Variants in SORCS1 observed in about 807,000 individuals in gnomAD.
The protein encoded by SORCS1 is sortilin related VPS10 domain containing receptor 1.
A neutral mutation model predicts 146.1 loss-of-function variants in SORCS1; 60 were observed. The ratio of observed to expected loss-of-function variants is 0.41; its 90% confidence interval spans 0.33 to 0.51. The LOEUF (loss-of-function observed/expected upper bound fraction) is 0.51, where lower values mean the gene tolerates loss of function less well. Among genes scored for constraint, SORCS1 ranks in the 20% least tolerant of loss-of-function variants. The pLI, the probability that SORCS1 is intolerant of heterozygous loss-of-function variation, is 0.21. For missense variants in SORCS1, 1,352 were observed against 1,487.6 expected, an observed-to-expected ratio of 0.91 and a Z score of 1.50; for synonymous variants, 637 against 584.0, an observed-to-expected ratio of 1.09 and a Z score of -1.31.
chr10:106,574,767 T>C lies in SORCS1; in HGVS notation c.*2653A>G, dbSNP rs192411310. On this transcript the variant is annotated 3_prime_UTR_variant, in exon 26 of 26. Coordinates refer to ENST00000263054, the MANE Select transcript of SORCS1 (RefSeq NM_052918.5). ...CTAAGAACAATGAGGTCCTCCTCTC[T>C]GAGCAGCACCTTGCCTCACTAATCT... 7.2e-5 allele frequency: 11 copies of C among 152,518 alleles called. No homozygotes were observed. The highest frequency in any genetic ancestry group is 1.3e-4 in the Non-Finnish European group (9 of 68,036). 9.4% of individuals were successfully genotyped at this position (152,518 alleles called of 1,614,324 possible). A position where few individuals can be genotyped will look rare whatever the true frequency, so the allele number is the denominator to read the frequency against.
At chr10:106,684,878 C>T (rs1852707570) in intron 10 of SORCS1, among the ~76,000 whole-genome samples, 1 of 152,154 alleles carries the variant, frequency 6.6e-6, no homozygotes, top group South Asian at 2.1e-4. Context: ...ATTTTCTTTC[C>T]TATTTAGTGC....
intron 1 of SORCS1, among the ~76,000 whole-genome samples, chr10:107,104,800 G>C (rs1390412146): frequency 1.3e-5 from 2 of 152,186 alleles, no homozygotes; most frequent in African/African-American, 4.8e-5. Context: ...CTTTTTCAGA[G>C]ACACGTGAGG....
intron 2 of SORCS1, among the ~76,000 whole-genome samples, chr10:106,831,228 G>T (rs557151958): frequency 1.3e-5 from 2 of 152,080 alleles, no homozygotes; most frequent in African/African-American, 4.8e-5. Context: ...TAAATAAAAA[G>T]GACATAGACA....
intron 1 of SORCS1, among the ~76,000 whole-genome samples, chr10:107,130,023 G>C (rs1380052524): frequency 6.6e-6 from 1 of 152,144 alleles, no homozygotes; most frequent in Non-Finnish European, 1.5e-5. Flanking sequence ...ATATGTCCAA[G>C]TTTTCTATAT....
intron 1 of SORCS1, among the ~76,000 whole-genome samples, chr10:107,064,431 C>G (rs1961544866): frequency 6.6e-6 from 1 of 152,184 alleles, no homozygotes; most frequent in African/African-American, 2.4e-5. Flanking sequence ...CACTCTAGCT[C>G]ACAGTTCCCG....
chr10:106,972,360 G>T (rs1955821581), intron 1 of SORCS1, among the ~76,000 whole-genome samples: 1 of 140,610 alleles, frequency 7.1e-6, no homozygotes, highest in African/African-American at 2.7e-5. Context: ...CAGCCTGGGT[G>T]ACAGAGCGAG....
chr10:106,683,512 C>A (rs1852595588), intron 10 of SORCS1, among the ~76,000 whole-genome samples: 1 of 152,194 alleles, frequency 6.6e-6, no homozygotes, highest in African/African-American at 2.4e-5. Context: ...GTGTTTCTAG[C>A]ATTGTGGATC....
chr10:106,794,989 T>C (rs1285288129), intron 3 of SORCS1, among the ~76,000 whole-genome samples: 1 of 152,204 alleles, frequency 6.6e-6, no homozygotes, highest in East Asian at 1.9e-4. Context: ...AAATCACTTC[T>C]TATGTCTGAT....
intron 1 of SORCS1, among the ~76,000 whole-genome samples, chr10:107,051,790 A>G (rs975741113): frequency 1.3e-5 from 2 of 152,198 alleles, no homozygotes; most frequent in African/African-American, 4.8e-5. Context: ...AGATGCAGTG[A>G]GTTGTTTAAG....
chr10:107,096,883 C>T (rs1211570994), intron 1 of SORCS1, among the ~76,000 whole-genome samples: 1 of 152,128 alleles, frequency 6.6e-6, no homozygotes, highest in Non-Finnish European at 1.5e-5. Flanking sequence ...AAGATTCTCT[C>T]CATAAGCTCC....
At chr10:107,145,518 C>T (rs768803031) in intron 1 of SORCS1, among the ~76,000 whole-genome samples, 23 of 152,120 alleles carry the variant, frequency 1.5e-4, no homozygotes, top group Non-Finnish European at 2.6e-4. Flanking sequence ...AATTTACCCA[C>T]GTGCACCAAG....
rs534586537 is a variant in SORCS1, at chr10:107,091,909, CT to C, written c.558+72059del. Among the ~76,000 whole-genome samples, 14 of 152,316 alleles carry C rather than the reference CT, an allele frequency of 9.2e-5. 1 individual carries two copies. The South Asian group carries it at 2.7e-3, about 29-fold the overall frequency. On this transcript the variant is annotated intron_variant, in intron 1 of 25. Coordinates refer to ENST00000263054, the MANE Select transcript of SORCS1 (RefSeq NM_052918.5). ...ACCCATCACTCACTCTCTGATTATCCTGTCTTTATGTATGAATGAGCTCCTA... is the reference window on the plus strand; with the variant it reads ...ACCCATCACTCACTCTCTGATTATCCGTCTTTATGTATGAATGAGCTCCTA...
intron 3 of SORCS1, among the ~76,000 whole-genome samples, chr10:106,811,499 C>T (rs887542943): frequency 5.3e-5 from 8 of 152,100 alleles, no homozygotes; most frequent in Non-Finnish European, 1.0e-4. Context: ...AACTAACGAC[C>T]TAGAATTTCT....
chr10:106,921,356 C>T (rs1952702826), intron 2 of SORCS1, among the ~76,000 whole-genome samples: 2 of 152,134 alleles, frequency 1.3e-5, no homozygotes, highest in Non-Finnish European at 2.9e-5. Flanking sequence ...CTTCCCTGGT[C>T]CTTATCAGGC....
chr10:106,716,481 C>G (rs1179608751), intron 6 of SORCS1, among the ~76,000 whole-genome samples: 1 of 152,188 alleles, frequency 6.6e-6, no homozygotes, highest in Non-Finnish European at 1.5e-5. Flanking sequence ...TCCACTGAAA[C>G]CTGTTTCCTT....
rs986748728 is a variant in SORCS1, at chr10:106,778,667, A to G, written c.727-1975T>C. 2.0e-5 allele frequency among the ~76,000 whole-genome samples: 3 copies of G among 152,190 alleles called. No homozygotes were observed. In the East Asian group the frequency reaches 5.8e-4, roughly 29 times the overall value. Reference sequence around the variant, plus strand: ...TTGTTTTGTGTCTCCAATCACAATTAACAATAATGTAAAACAACCTTTTTG... The same window carrying G: ...TTGTTTTGTGTCTCCAATCACAATTGACAATAATGTAAAACAACCTTTTTG... On this transcript the variant is annotated intron_variant, in intron 3 of 25. Transcript: ENST00000263054.
rs147797300 is a variant in SORCS1 at position 107,162,849 on chromosome 10, C to T, written c.558+1120G>A. On this transcript the variant is annotated intron_variant, in intron 1 of 25. Transcript: ENST00000263054. ...GCGTAAATTGTGCATATTACAAACA[C>T]TACAATCTCAATTACCTGGTTGAAG... Among the ~76,000 whole-genome samples the T allele has an allele frequency of 8.0e-3, 1,221 of 152,326 alleles. 14 individuals are homozygous for T. The highest frequency in any genetic ancestry group is 0.028 in the African/African-American group (1,161 of 41,580).
chr10:106,931,738 C>T (rs1353222312), intron 2 of SORCS1, among the ~76,000 whole-genome samples: 1 of 152,044 alleles, frequency 6.6e-6, no homozygotes, highest in Non-Finnish European at 1.5e-5. Flanking sequence ...AGCACTCTGC[C>T]CTGGTAAATT....
intron 1 of SORCS1, among the ~76,000 whole-genome samples, chr10:106,988,331 A>C (rs4244264): frequency 0.22 from 33,720 of 152,168 alleles, 4,522 homozygotes; most frequent in Middle Eastern, 0.33. Context: ...GCATTCATAT[A>C]TCAGCTGATA....
Sources: gnomAD v4.1 joint callset for allele counts (sites outside exome capture counted in the v4.1 genomes callset) on GRCh38, gnomAD v4.1.1 for gene constraint, MANE v1.5 for transcripts, NCBI Gene and HGNC (gene_info 2026-07-23, HGNC 2026-07-21) for gene names.